The following KAZN variants were observed in gnomAD, a reference collection of about 807,000 sequenced individuals.
KAZN encodes kazrin, periplakin interacting protein, also known as kazrin.
Under a neutral mutation model 87.4 loss-of-function variants are expected in KAZN, and 40 were observed. That is an observed-to-expected ratio of 0.46 (90% CI 0.36 to 0.60). KAZN has a LOEUF of 0.60. KAZN is among the 20% of genes least tolerant of loss of function. The pLI, the probability that KAZN is intolerant of heterozygous loss-of-function variation, is 0.00. For synonymous variants in KAZN, 466 were observed against 458.3 expected (o/e 1.02, Z -0.22); for missense variants, 898 against 1,073.9 (o/e 0.84, Z 2.29).
intron 1 of KAZN, among the ~76,000 whole-genome samples, chr1:14,832,535 CCTGGGCCACA>C (rs1464976258): frequency 6.6e-6 from 1 of 152,230 alleles, no homozygotes; most frequent in East Asian, 1.9e-4. Context: ...TTTTGGCTTC[CCTGGGCCACA>C]CTGGAAGAAG....
chr1:14,993,075 C>A (rs1405759042), intron 2 of KAZN, among the ~76,000 whole-genome samples: 3 of 151,118 alleles, frequency 2.0e-5, no homozygotes, highest in South Asian at 4.2e-4. Context: ...AATTTGCCCA[C>A]CTCGACCTCC....
rs915504321 is a variant in KAZN, at chr1:14,355,121, T to C, written c.249+174529T>C. Among the ~76,000 whole-genome samples the C allele has an allele frequency of 9.2e-5, 14 of 152,166 alleles. No individual in the cohort carries two copies. In the South Asian group the frequency reaches 2.9e-3, roughly 32 times the overall value. Reference sequence around the variant, plus strand: ...AGCACAAACTATATGATTCCACCTATATGAAATTCCAGAACCAACACAATT... The same window carrying C: ...AGCACAAACTATATGATTCCACCTACATGAAATTCCAGAACCAACACAATT... On this transcript the variant is annotated intron_variant, in intron 2 of 16. Transcript: ENST00000636203.
chr1:14,243,469 C>T (rs11577820), intron 2 of KAZN, among the ~76,000 whole-genome samples: 2 of 152,072 alleles, frequency 1.3e-5, no homozygotes, highest in Non-Finnish European at 2.9e-5. Context: ...ATAAACGTGG[C>T]GATGGTCGGT....
intron 2 of KAZN, among the ~76,000 whole-genome samples, chr1:14,253,174 C>T (rs1650205623): frequency 1.3e-5 from 2 of 150,988 alleles, no homozygotes; most frequent in South Asian, 2.1e-4. Flanking sequence ...TTATATAGTC[C>T]AGCTGTTTGT....
intron 2 of KAZN, among the ~76,000 whole-genome samples, chr1:14,252,354 C>T (rs185974613): frequency 2.9e-4 from 44 of 152,272 alleles, no homozygotes; most frequent in Non-Finnish European, 8.8e-5. Context: ...ATTATCATGG[C>T]TTTAATTAGG....
At chr1:14,251,869 G>A (rs1334857348) in intron 2 of KAZN, among the ~76,000 whole-genome samples, 1 of 151,786 alleles carries the variant, frequency 6.6e-6, no homozygotes, top group Non-Finnish European at 1.5e-5. Flanking sequence ...GGCTGGTCTT[G>A]AACTCCTGAG....
intron 2 of KAZN, among the ~76,000 whole-genome samples, chr1:14,419,590 G>T (rs1437853116): frequency 6.6e-6 from 1 of 152,170 alleles, no homozygotes; most frequent in Non-Finnish European, 1.5e-5. Flanking sequence ...GGACCCTCGC[G>T]ATTTGAGTGT....
At chr1:14,685,281 C>T (rs1300335598) in intron 1 of KAZN, among the ~76,000 whole-genome samples, 1 of 152,198 alleles carries the variant, frequency 6.6e-6, no homozygotes, top group Non-Finnish European at 1.5e-5. Flanking sequence ...GCTACACAAC[C>T]TTAGGGGTGA....
intron 2 of KAZN, among the ~76,000 whole-genome samples, chr1:14,351,322 T>C (rs1021848704): frequency 4.6e-5 from 7 of 152,154 alleles, no homozygotes; most frequent in Admixed American, 3.9e-4. Context: ...TCCCAGCACT[T>C]TGGGAGGCCG....
At chr1:14,349,733 G>C (rs1658383856) in intron 2 of KAZN, among the ~76,000 whole-genome samples, 1 of 152,192 alleles carries the variant, frequency 6.6e-6, no homozygotes, top group South Asian at 2.1e-4. Context: ...ATAGGCCTTA[G>C]ATTATAATGT....
At position 14,820,514 on chromosome 1, in the gene KAZN, G is replaced by A. The variant is rs1409112448; in HGVS notation, c.227-140170G>A. ...GCAAACCCACGTGCTGGGCTGCACA[G>A]CTGCCTGAACGAAGCTGGAGCGTGC... On this transcript the variant is annotated intron_variant, in intron 1 of 14. Coordinates refer to ENST00000376030, the MANE Select transcript of KAZN (RefSeq NM_201628.3). The surrounding 1 kb of genome is among the most constrained non-coding windows in gnomAD (Gnocchi z 4.1). 6.6e-6 allele frequency among the ~76,000 whole-genome samples: 1 copy of A among 152,244 alleles called. No individual in the cohort carries two copies. The highest frequency in any genetic ancestry group is 2.4e-5 in the African/African-American group (1 of 41,454).
intron 2 of KAZN, among the ~76,000 whole-genome samples, chr1:14,223,814 C>A (rs976371031): frequency 3.3e-5 from 5 of 152,188 alleles, no homozygotes; most frequent in African/African-American, 1.2e-4. Flanking sequence ...GATTTGTCCA[C>A]CCTGGGTCCA....
intron 1 of KAZN, among the ~76,000 whole-genome samples, chr1:14,684,789 C>G (rs1289908023): frequency 6.6e-6 from 1 of 152,124 alleles, no homozygotes; most frequent in Non-Finnish European, 1.5e-5. Flanking sequence ...TTATCAGGAC[C>G]CTTGCAATGA....
At chr1:14,223,742 A>C (rs1410248345) in intron 2 of KAZN, among the ~76,000 whole-genome samples, 5 of 152,344 alleles carry the variant, frequency 3.3e-5, no homozygotes, top group African/African-American at 1.2e-4. Flanking sequence ...CTGATACGAA[A>C]GGAGAAACAC....
intron 2 of KAZN, among the ~76,000 whole-genome samples, chr1:14,278,567 G>A (rs548913568): frequency 1.3e-5 from 2 of 152,156 alleles, no homozygotes; most frequent in South Asian, 2.1e-4. Flanking sequence ...TGGGATTACA[G>A]GCATGAGCCA....
chr1:14,775,551 C>A (rs1273189249), intron 1 of KAZN, among the ~76,000 whole-genome samples: 1 of 152,194 alleles, frequency 6.6e-6, no homozygotes, highest in African/African-American at 2.4e-5. Flanking sequence ...AGAACCTGGG[C>A]TCCTGACACA....
At chr1:14,030,023 T>C (rs1045656617) in intron 1 of KAZN, among the ~76,000 whole-genome samples, 50 of 152,168 alleles carry the variant, frequency 3.3e-4, no homozygotes, top group Non-Finnish European at 5.6e-4. Context: ...AAGTCATTGG[T>C]AGCTTTATGG....
intron 2 of KAZN, among the ~76,000 whole-genome samples, chr1:14,365,012 G>GT (rs1659851809): frequency 1.3e-5 from 2 of 151,436 alleles, no homozygotes; most frequent in Non-Finnish European, 2.9e-5. Context: ...CAAAGTGCTG[G>GT]AATTGTAGGC....
At chr1:14,632,025 T>C (rs921548051) in intron 1 of KAZN, among the ~76,000 whole-genome samples, 1 of 152,176 alleles carries the variant, frequency 6.6e-6, no homozygotes, top group Admixed American at 6.5e-5. Flanking sequence ...CAAAGTATGA[T>C]TGCCAAACTG....
Sources: allele counts gnomAD v4.1 joint callset (sites outside exome capture counted in the v4.1 genomes callset), GRCh38; gene constraint gnomAD v4.1.1; non-coding constraint Gnocchi (gnomAD v3.1); transcripts MANE v1.5; gene names NCBI Gene and HGNC (gene_info 2026-07-23, HGNC 2026-07-21).